Variants in SCN3A observed in about 807,000 individuals in gnomAD.
The protein encoded by SCN3A is sodium channel protein type 3 subunit alpha.
SCN3A carries 60 observed loss-of-function variants against 187.6 expected under a neutral mutation model. The ratio of observed to expected loss-of-function variants is 0.32; its 90% CI spans 0.26 to 0.40. The LOEUF is 0.40. Among genes scored for constraint, SCN3A ranks in the 10% least tolerant of loss-of-function variants. The probability of loss-of-function intolerance (pLI) is 1.00; values close to 1 mark genes in which losing one functional copy is unlikely to be tolerated. For missense variants in SCN3A, 1,601 were observed against 2,428.2 expected, an observed-to-expected ratio of 0.66 and a Z score of 7.16; for synonymous variants, 788 against 829.2, an observed-to-expected ratio of 0.95 and a Z score of 0.85.
At position 165,155,658 on chromosome 2, in the gene SCN3A, C is replaced by G. The variant is rs868216968; in HGVS notation, c.1173+104G>C. 4.4e-6 allele frequency: 6 copies of G among 1,348,670 alleles called. No individual in the cohort carries two copies. In the Middle Eastern group the frequency reaches 9.6e-4, roughly 217 times the overall value. The allele number at this position is 1,348,670 out of a possible 1,614,324, so 83.5% of individuals were successfully genotyped here. A position where few individuals can be genotyped will look rare whatever the true frequency, so the allele number is the denominator to read the frequency against. On this transcript the variant is annotated intron_variant, in intron 10 of 27. Coordinates refer to ENST00000283254, the MANE Select transcript of SCN3A (RefSeq NM_006922.4). ...AAGTGATCCATCCGCCTCTGCCTCC[C>G]AAAGTGCTAGGGTTACAGGCATGAG... is the stretch of plus-strand genomic sequence containing the variant.
In SCN3A at chr2:165,092,361, A is replaced by G; in HGVS notation, c.4700T>C (p.Val1567Ala). Residue 1567 changes from valine (V) to alanine (A), a missense_variant, in exon 27 of 28, where the codon GTT becomes GCT. Val to Ala is a moderately conservative substitution (Grantham distance 64). Coordinates refer to ENST00000283254, the MANE Select transcript of SCN3A (RefSeq NM_006922.4). The surrounding 1 kb of genome is among the most constrained non-coding windows in gnomAD (Gnocchi z 4.2). ...CAGCACAAATTCTCCAGTGAACAGA[A>G]CAATGAACACTAGGTTGATCCGGGA... ...VLSRINLVFIVLFTGEFVLKL... is the reference protein window; with the variant it reads ...VLSRINLVFIALFTGEFVLKL... 6.2e-7 allele frequency: 1 copy of G among 1,613,986 alleles called. No individual in the cohort carries two copies. Among genetic ancestry groups the G allele is most frequent in the South Asian group, 1.1e-5 (1 of 91,076 alleles).
intron 21 of SCN3A, among the ~76,000 whole-genome samples, chr2:165,102,988 C>T (rs950017886): frequency 7.2e-5 from 11 of 152,102 alleles, no homozygotes; most frequent in South Asian, 2.1e-4. Flanking sequence ...ACGCAAATTA[C>T]GATAAGATTA....
Position 165,090,957 on chromosome 2 carries a change from G to A in SCN3A, c.5196C>T (p.His1732=). The A allele has an allele frequency of 1.2e-6, 2 of 1,614,084 alleles. No individual in the cohort carries two copies. Among genetic ancestry groups the A allele is most frequent in the African/African-American group, 1.3e-5 (1 of 75,014 alleles). ...AGTCTCCCTTAACTGAGCTGCCAGGGTGAATTGTGTCAGGGTCACAGTCGG... is the reference window on the plus strand; with the variant it reads ...AGTCTCCCTTAACTGAGCTGCCAGGATGAATTGTGTCAGGGTCACAGTCGG... ...APPDCDPDTI[H]PGSSVKGDCG... The change falls in exon 28 of 28, where the codon CAC becomes CAT. Residue 1732 remains histidine, a synonymous_variant. Coordinates refer to ENST00000283254, the MANE Select transcript of SCN3A (RefSeq NM_006922.4). The surrounding 1 kb of genome is among the most constrained non-coding windows in gnomAD (Gnocchi z 4.0).
At position 165,115,514 on chromosome 2, in the gene SCN3A, C is replaced by T. The variant is rs1375842957; in HGVS notation, c.3455G>A (p.Gly1152Asp). The T allele has an allele frequency of 1.9e-6, 3 of 1,613,578 alleles. No homozygotes were observed. The highest frequency in any genetic ancestry group is 4.5e-5 in the East Asian group (2 of 44,866). The change falls in exon 19 of 28, where the codon GGT becomes GAT. Residue 1152 changes from glycine (G) to aspartate (D), a missense_variant. By Grantham distance (94) the Gly-to-Asp change is moderately conservative. Coordinates refer to ENST00000283254, the MANE Select transcript of SCN3A (RefSeq NM_006922.4). ...TTCGGGTTCAGTTTCAGCTTGTTCA[C>T]CTTCTCGGGGTAGAACAACATCAAC... ...STVDVVLPRE[G>D]EQAETEPEED...
chr2:165,094,266 G>T, intron 26 of SCN3A, 108 bp downstream of exon 26: 1 of 841,244 alleles, frequency 1.2e-6, no homozygotes, highest in Non-Finnish European at 2.1e-6. Flanking sequence ...TTATAATTAG[G>T]GCTCAATATT....
chr2:165,105,245 T>G (rs1685790803), intron 21 of SCN3A, among the ~76,000 whole-genome samples: 1 of 152,206 alleles, frequency 6.6e-6, no homozygotes, highest in East Asian at 1.9e-4. Flanking sequence ...GTAAAATCTG[T>G]ACTTGCTACA....
Position 165,152,073 on chromosome 2 carries a change from T to G in SCN3A, c.1380+2379A>C, listed in dbSNP as rs115739284. ...ACATAACTATGTCCCGAAACAAAGATCAATAATTTTTATGGGAATACAAAA... is the reference window on the plus strand; with the variant it reads ...ACATAACTATGTCCCGAAACAAAGAGCAATAATTTTTATGGGAATACAAAA... On this transcript the variant is annotated intron_variant, in intron 11 of 27. Coordinates refer to ENST00000283254, the MANE Select transcript of SCN3A (RefSeq NM_006922.4). Among the ~76,000 whole-genome samples, 1,353 of 152,086 alleles carry G rather than the reference T, an allele frequency of 8.9e-3. 22 individuals carry two copies. The highest frequency in any genetic ancestry group is 0.031 in the African/African-American group (1,300 of 41,468).
In SCN3A at chr2:165,127,971, A is replaced by G. The variant is rs747040733; in HGVS notation, c.3053T>C (p.Val1018Ala). 43 of 1,613,966 alleles carry G rather than the reference A, an allele frequency of 2.7e-5. No individual in the cohort carries two copies. In the East Asian group the frequency reaches 8.7e-4, roughly 33 times the overall value. ...GAAACACTCCCGCATCTTATTTTTC[A>G]CATAATCAATTCCCTTTTGCATTCT... is the stretch of plus-strand genomic sequence containing the variant. ...VGRMQKGIDY[V>A]KNKMRECFQK... The change falls in exon 18 of 28, where the codon GTG becomes GCG. Residue 1018 changes from valine to alanine, a missense_variant. Physicochemically the swap from Val to Ala is moderately conservative, Grantham distance 64. Coordinates refer to ENST00000283254, the MANE Select transcript of SCN3A (RefSeq NM_006922.4).
chr2:165,146,991 A>G lies in SCN3A; in HGVS notation c.1419T>C (p.Ser473=), dbSNP rs1465884071. Residue 473 remains serine (S), a synonymous_variant, in exon 12 of 28, where the codon AGT becomes AGC. Transcript: ENST00000283254. ...ACAGCTCTCCTAACCCACCTATTCC[A>G]CTGAAATCTCTTGAAGCAGCTGATG... ...AAASAASRDF[S]GIGGLGELLE... is the part of the protein sequence containing the mutation. The G allele has an allele frequency of 1.9e-6, 3 of 1,613,866 alleles. No homozygotes were observed. The highest frequency in any genetic ancestry group is 2.2e-5 in the East Asian group (1 of 44,870).
chr2:165,099,608 T>C (rs1479874083), intron 22 of SCN3A, among the ~76,000 whole-genome samples: 1 of 152,040 alleles, frequency 6.6e-6, no homozygotes, highest in African/African-American at 2.4e-5. Context: ...TCCCAGCTAC[T>C]CAGGAGGCTG....
At position 165,101,759 on chromosome 2, in the gene SCN3A, A is replaced by T. The variant is rs185481902; in HGVS notation, c.3844-1335T>A. Among the ~76,000 whole-genome samples the T allele has an allele frequency of 9.2e-5, 14 of 152,322 alleles. No homozygotes were observed. In the East Asian group the frequency reaches 1.7e-3, roughly 19 times the overall value. ...AAATGGATTTAAGTGAATCCTCCCA[A>T]CAATCTTGTGAAATATGATGAAATC... On this transcript the variant is annotated intron_variant, in intron 21 of 27. Coordinates refer to ENST00000283254, the MANE Select transcript of SCN3A (RefSeq NM_006922.4).
In SCN3A at chr2:165,091,199, G is replaced by C; in HGVS notation, c.4954C>G (p.Leu1652Val). 1 of 1,614,126 alleles carries C rather than the reference G, an allele frequency of 6.2e-7. No homozygotes were observed. The highest frequency in any genetic ancestry group is 8.5e-7 in the Non-Finnish European group (1 of 1,180,006). Residue 1652 changes from leucine (L) to valine (V), a missense_variant, in exon 28 of 28, where the codon CTT (leucine) becomes GTT (valine). Around this residue, in one of 11 missense-constraint regions of SCN3A, gnomAD observed 320 missense variants for 623.2 expected, o/e 0.51. Transcript: ENST00000283254. Reference protein sequence around the residue: ...RTLLFALMMSLPALFNIGLLL... With the variant: ...RTLLFALMMSVPALFNIGLLL... ...AGGCCGATGTTAAACAACGCAGGAA[G>C]GGACATCATCAAAGCAAAGAGCAGC...
At chr2:165,126,955 T>C (rs1035179037) in intron 18 of SCN3A, among the ~76,000 whole-genome samples, 2 of 152,208 alleles carry the variant, frequency 1.3e-5, no homozygotes, top group African/African-American at 2.4e-5. Flanking sequence ...ATAAAAATCA[T>C]AGCAAAACCT....
At position 165,118,793 on chromosome 2, in the gene SCN3A, C is replaced by T. The variant is rs529409089; in HGVS notation, c.3394-3218G>A. ...TATTTATTTTTTTGAGACGGAGTCT[C>T]GCTCTGTCACCCAGGCTGGAGTGCA... On this transcript the variant is annotated intron_variant, in intron 18 of 27. Transcript: ENST00000283254. Among the ~76,000 whole-genome samples, 155 of 150,848 alleles carry T rather than the reference C, an allele frequency of 1.0e-3. 1 individual carries two copies. The highest frequency in any genetic ancestry group is 3.7e-3 in the African/African-American group (151 of 41,012).
chr2:165,113,285 C>T (rs995669095), intron 20 of SCN3A, among the ~76,000 whole-genome samples: 4 of 152,114 alleles, frequency 2.6e-5, no homozygotes, highest in African/African-American at 4.8e-5. Flanking sequence ...CTACTTCTCA[C>T]CCCTAAGTCT....
intron 18 of SCN3A, among the ~76,000 whole-genome samples, chr2:165,123,750 A>G (rs1466568266): frequency 6.6e-6 from 1 of 152,190 alleles, no homozygotes; most frequent in Non-Finnish European, 1.5e-5. Context: ...TGTGCACCTG[A>G]AGTATGCTAG....
rs890213542 is a variant in SCN3A, at chr2:165,192,480, A to C, written c.-247-5733T>G. On this transcript the variant is annotated intron_variant, in intron 1 of 27. Transcript: ENST00000283254. ...TAGATAAGAAAACTATAATGTTCAG[A>C]GGGGACAAGTAACTTGCCCAAGGTC... Among the ~76,000 whole-genome samples, 4 of 152,160 alleles carry C rather than the reference A, an allele frequency of 2.6e-5. 1 individual carries two copies. The highest frequency in any genetic ancestry group is 5.9e-5 in the Non-Finnish European group (4 of 68,006).
At chr2:165,153,886 C>T (rs1025338719) in intron 11 of SCN3A, among the ~76,000 whole-genome samples, 3 of 151,566 alleles carry the variant, frequency 2.0e-5, no homozygotes, top group Admixed American at 1.3e-4. Flanking sequence ...GTCCCATTCA[C>T]TATACCCCTA....
rs1574194689 is a variant in SCN3A at position 165,139,217 on chromosome 2, A to G, written c.2152+259T>C. 3.3e-5 allele frequency among the ~76,000 whole-genome samples: 5 copies of G among 152,330 alleles called. No individual in the cohort carries two copies. The South Asian group carries it at 1.0e-3, about 32-fold the overall frequency. ...TCTATTTGCATATGAGTAACATAAC[A>G]TAAGAATAAATCCTCATTGATATAA... On this transcript the variant is annotated intron_variant, in intron 14 of 27. Coordinates refer to ENST00000283254, the MANE Select transcript of SCN3A (RefSeq NM_006922.4).
Sources: allele counts gnomAD v4.1 joint callset (sites outside exome capture counted in the v4.1 genomes callset), GRCh38; gene constraint gnomAD v4.1.1; regional missense constraint gnomAD v4.1.1; non-coding constraint Gnocchi (gnomAD v3.1); transcripts MANE v1.5; gene names NCBI Gene and HGNC (gene_info 2026-07-23, HGNC 2026-07-21).